STK32A: variants seen among roughly 807,000 people sequenced by gnomAD.
STK32A encodes serine/threonine kinase 32A.
In STK32A, 41 loss-of-function variants were observed where a neutral mutation model predicts 53.2. The observed-to-expected ratio is 0.77, with a 90% CI of 0.60 to 1.00. The LOEUF (loss-of-function observed/expected upper bound fraction) is 1.00. Among genes scored for constraint, STK32A ranks in the 50% least tolerant of loss-of-function variants. The pLI is 0.00. For synonymous variants in STK32A, 166 were observed against 162.8 expected, an observed-to-expected ratio of 1.02 and a Z score of -0.15; for missense variants, 458 against 485.8, an observed-to-expected ratio of 0.94 and a Z score of 0.54.
intron 4 of STK32A, among the ~76,000 whole-genome samples, chr5:147,301,519 G>A (rs1753133983): frequency 6.6e-6 from 1 of 152,046 alleles, no homozygotes; most frequent in Non-Finnish European, 1.5e-5. Flanking sequence ...TTGAACCTGA[G>A]CACTAGAAAG....
chr5:147,276,044 A>G (rs1755246565), intron 2 of STK32A, among the ~76,000 whole-genome samples: 2 of 152,124 alleles, frequency 1.3e-5, no homozygotes, highest in African/African-American at 4.8e-5. Flanking sequence ...GAGTTATTGG[A>G]TTTGCTCAAG....
intron 5 of STK32A, among the ~76,000 whole-genome samples, chr5:147,340,481 A>C (rs1158022137): frequency 6.6e-6 from 1 of 152,228 alleles, no homozygotes; most frequent in Non-Finnish European, 1.5e-5. Flanking sequence ...AAGTGATGCT[A>C]AAATTTAGAA....
chr5:147,384,148 CTGAG>C lies in STK32A; in HGVS notation c.*166_*169del. On this transcript the variant is annotated 3_prime_UTR_variant, in exon 13 of 13. Coordinates refer to ENST00000397936, the MANE Select transcript of STK32A (RefSeq NM_001112724.2). ...CACAACACAGTGAAGGGTCCTGGGC[CTGAG>C]CTCCTGGGATGTCATTTCACATCAA... The C allele has an allele frequency of 6.9e-7, 1 of 1,459,256 alleles. No homozygotes were observed. Among genetic ancestry groups the C allele is most frequent in the South Asian group, 1.5e-5 (1 of 68,306 alleles). The allele number at this position is 1,459,256 out of a possible 1,614,324, so 90.4% of individuals were successfully genotyped here. A position where few individuals can be genotyped will look rare whatever the true frequency, so the allele number is the denominator to read the frequency against.
At chr5:147,255,799 G>A (rs980623391) in intron 2 of STK32A, among the ~76,000 whole-genome samples, 25 of 152,194 alleles carry the variant, frequency 1.6e-4, no homozygotes, top group African/African-American at 6.0e-4. Flanking sequence ...AGTAGCTGTA[G>A]TTTATCCAAT....
intron 4 of STK32A, 55 bp downstream of exon 4, chr5:147,279,453 G>A (rs1751938787): frequency 4.0e-6 from 6 of 1,501,846 alleles, no homozygotes; most frequent in African/African-American, 2.8e-5. Context: ...CGGTGGGCTA[G>A]GGGAGGTCCC....
chr5:147,246,748 C>T (rs533592702), intron 2 of STK32A, among the ~76,000 whole-genome samples: 6 of 152,202 alleles, frequency 3.9e-5, no homozygotes, highest in African/African-American at 1.2e-4. Flanking sequence ...TCTTATTACA[C>T]GATCAAAAGT....
At chr5:147,395,571 A>G in the STK32A span, 2 of 1,612,846 alleles carry the variant, frequency 1.2e-6, no homozygotes, top group South Asian at 2.2e-5. Flanking sequence ...GACAGGCTAA[A>G]TCCCGACTGA....
intron 4 of STK32A, among the ~76,000 whole-genome samples, chr5:147,286,951 G>A (rs758233422): frequency 6.6e-6 from 1 of 152,166 alleles, no homozygotes; most frequent in Admixed American, 6.5e-5. Context: ...CAGCTGACTT[G>A]AGGTTGATAT....
At chr5:147,237,229 C>A (rs1391524242) in intron 1 of STK32A, among the ~76,000 whole-genome samples, 1 of 151,910 alleles carries the variant, frequency 6.6e-6, no homozygotes, top group Non-Finnish European at 1.5e-5. Context: ...AGGAGAATGG[C>A]GTGAACCCAG....
intron 5 of STK32A, among the ~76,000 whole-genome samples, chr5:147,340,191 C>A (rs941427019): frequency 6.6e-6 from 1 of 152,164 alleles, no homozygotes; most frequent in African/African-American, 2.4e-5. Context: ...TTCTTCACTG[C>A]ATCTTATTTC....
At chr5:147,262,058 G>A (rs975782413) in intron 2 of STK32A, among the ~76,000 whole-genome samples, 2 of 152,114 alleles carry the variant, frequency 1.3e-5, no homozygotes, top group African/African-American at 4.8e-5. Context: ...GTCTTGAAAT[G>A]TGGTACTTTT....
intron 11 of STK32A, chr5:147,383,132 AC>A (rs1246791313): frequency 1.4e-5 from 5 of 367,586 alleles, no homozygotes; most frequent in Non-Finnish European, 2.4e-5. Context: ...GTCATAATTA[AC>A]TGCGCTTTGC....
chr5:147,375,965 C>T (rs1169857430), intron 11 of STK32A: 3 of 152,128 alleles, frequency 2.0e-5, no homozygotes, highest in Admixed American at 2.0e-4. Flanking sequence ...TCCATCAATC[C>T]CTGCCTCCCT....
intron 2 of STK32A, chr5:147,239,947 G>A: frequency 2.4e-6 from 1 of 419,514 alleles, no homozygotes; most frequent in South Asian, 3.7e-5. Flanking sequence ...GGCATGTGGT[G>A]GATAGTTAAA....
intron 1 of STK32A, among the ~76,000 whole-genome samples, chr5:147,237,174 A>C (rs1753359753): frequency 6.6e-6 from 1 of 152,004 alleles, no homozygotes; most frequent in South Asian, 2.1e-4. Flanking sequence ...TTAGCCGGGC[A>C]TGGTGGCGGG....
intron 5 of STK32A, among the ~76,000 whole-genome samples, chr5:147,331,218 A>G (rs528892554): frequency 3.9e-5 from 6 of 152,330 alleles, no homozygotes; most frequent in Non-Finnish European, 4.4e-5. Context: ...TTTAATTTAT[A>G]CTACAAAGCA....
intron 11 of STK32A, 160 bp downstream of exon 11, chr5:147,375,378 C>A: frequency 1.2e-6 from 1 of 805,796 alleles, no homozygotes; most frequent in Non-Finnish European, 1.8e-6. Context: ...CAGACCAGAG[C>A]TCCTCTGAGG....
At chr5:147,250,549 G>A (rs1462912513) in intron 2 of STK32A, among the ~76,000 whole-genome samples, 2 of 152,186 alleles carry the variant, frequency 1.3e-5, no homozygotes, top group African/African-American at 4.8e-5. Context: ...ATCTATGGGA[G>A]TAGGCAACAT....
intron 1 of STK32A, among the ~76,000 whole-genome samples, chr5:147,237,756 A>G (rs1753385602): frequency 6.6e-6 from 1 of 152,230 alleles, no homozygotes; most frequent in Non-Finnish European, 1.5e-5. Context: ...TATGAAAAGT[A>G]GCATTTCCTT....
Sources: gnomAD v4.1 joint callset for allele counts (sites outside exome capture counted in the v4.1 genomes callset) on GRCh38, gnomAD v4.1.1 for gene constraint, MANE v1.5 for transcripts, NCBI Gene and HGNC (gene_info 2026-07-23, HGNC 2026-07-21) for gene names.